Variants in GRIK1 observed in about 807,000 individuals in gnomAD.
GRIK1 encodes the protein glutamate receptor ionotropic, kainate 1.
A neutral mutation model predicts 105.7 loss-of-function variants in GRIK1; 69 were observed. That is an observed-to-expected ratio of 0.65 (90% CI 0.54 to 0.80). The LOEUF is 0.80. GRIK1 is among the 30% of genes least tolerant of loss of function. The pLI is 0.00. For missense variants in GRIK1, 1,109 were observed against 1,167.3 expected, an observed-to-expected ratio of 0.95 and a Z score of 0.73; for synonymous variants, 438 against 431.3, an observed-to-expected ratio of 1.02 and a Z score of -0.19.
At chr21:29,628,912 A>G (rs183310343) in intron 7 of GRIK1, among the ~76,000 whole-genome samples, 3 of 152,300 alleles carry the variant, frequency 2.0e-5, no homozygotes, top group Non-Finnish European at 4.4e-5. Context: ...TGGATTCCAC[A>G]TGGGTTGAAT....
chr21:29,900,625 C>T (rs1056812102), intron 1 of GRIK1, among the ~76,000 whole-genome samples: 6 of 152,098 alleles, frequency 3.9e-5, no homozygotes, highest in African/African-American at 1.4e-4. Flanking sequence ...CAGGAGCACC[C>T]AGTTTCATAA....
Position 29,871,526 on chromosome 21 carries a change from G to A in GRIK1, c.118+67857C>T, listed in dbSNP as rs553523474. 4.6e-5 allele frequency among the ~76,000 whole-genome samples: 7 copies of A among 152,160 alleles called. No homozygotes were observed. In the East Asian group the frequency reaches 7.7e-4, roughly 17 times the overall value. ...AAAATTTTCACTATGTAAGTGGACC[G>A]GGAACAGAAAGATCTGGTCTCTACC... On this transcript the variant is annotated intron_variant, in intron 1 of 17. Transcript: ENST00000327783.
chr21:29,755,097 A>G (rs1191874515), intron 1 of GRIK1, among the ~76,000 whole-genome samples: 1 of 152,262 alleles, frequency 6.6e-6, no homozygotes, highest in Non-Finnish European at 1.5e-5. Context: ...ATATTTGAAT[A>G]CACAAATTCT....
At chr21:29,734,692 C>T (rs1036470059) in intron 1 of GRIK1, among the ~76,000 whole-genome samples, 4 of 152,120 alleles carry the variant, frequency 2.6e-5, no homozygotes, top group African/African-American at 9.7e-5. Context: ...AGCCACTGAG[C>T]CCAGCCTCCT....
intron 1 of GRIK1, among the ~76,000 whole-genome samples, chr21:29,893,133 T>A (rs2069968327): frequency 6.6e-6 from 1 of 152,246 alleles, no homozygotes; most frequent in South Asian, 2.1e-4. Context: ...CTAACTGTTT[T>A]ACTTTTCAAA....
intron 1 of GRIK1, among the ~76,000 whole-genome samples, chr21:29,717,100 AG>A (rs1451693002): frequency 1.3e-5 from 2 of 152,250 alleles, no homozygotes; most frequent in Non-Finnish European, 2.9e-5. Flanking sequence ...TTGAGGCTGT[AG>A]GTGCACAGAT....
At chr21:29,881,178 G>C (rs974991995) in intron 1 of GRIK1, among the ~76,000 whole-genome samples, 2 of 152,218 alleles carry the variant, frequency 1.3e-5, no homozygotes, top group South Asian at 4.1e-4. Context: ...CCACTTGTAA[G>C]TTTTGCTAGC....
At chr21:29,930,828 C>A (rs1034357244) in intron 1 of GRIK1, among the ~76,000 whole-genome samples, 1 of 152,122 alleles carries the variant, frequency 6.6e-6, no homozygotes, top group Admixed American at 6.6e-5. Context: ...ATATTGTTGT[C>A]TTTAAGGACA....
intron 1 of GRIK1, among the ~76,000 whole-genome samples, chr21:29,724,582 G>C (rs720781): frequency 1.3e-5 from 2 of 152,172 alleles, no homozygotes; most frequent in Non-Finnish European, 2.9e-5. Flanking sequence ...TGGGAGAGAC[G>C]TTTTATGATA....
intron 1 of GRIK1, among the ~76,000 whole-genome samples, chr21:29,821,349 G>A (rs1447842032): frequency 6.6e-6 from 1 of 152,034 alleles, no homozygotes; most frequent in Non-Finnish European, 1.5e-5. Context: ...CTCAGTCTAT[G>A]GCACATATCA....
At chr21:29,604,754 A>G (rs1475942139) in intron 7 of GRIK1, among the ~76,000 whole-genome samples, 1 of 152,196 alleles carries the variant, frequency 6.6e-6, no homozygotes, top group Non-Finnish European at 1.5e-5. Context: ...CATGTCTACC[A>G]CTGCTTAATA....
At chr21:29,879,334 G>A (rs894722514) in intron 1 of GRIK1, among the ~76,000 whole-genome samples, 4 of 152,040 alleles carry the variant, frequency 2.6e-5, no homozygotes, top group African/African-American at 9.7e-5. Context: ...GCTGCCAACT[G>A]TGGTACCCAG....
chr21:29,681,461 A>C (rs145973091), intron 3 of GRIK1, among the ~76,000 whole-genome samples: 1 of 151,758 alleles, frequency 6.6e-6, no homozygotes, highest in Non-Finnish European at 1.5e-5. Context: ...TACCAGGCAC[A>C]CTCTCACCTG....
chr21:29,850,437 A>T (rs1175132074), intron 1 of GRIK1, among the ~76,000 whole-genome samples: 1 of 152,102 alleles, frequency 6.6e-6, no homozygotes, highest in African/African-American at 2.4e-5. Flanking sequence ...CTATCGCCCT[A>T]ATGTTCTAAC....
At position 29,689,605 on chromosome 21, in the gene GRIK1, A is replaced by T. The variant is rs2063546954; in HGVS notation, c.544+123T>A. The T allele has an allele frequency of 6.4e-6, 5 of 781,218 alleles. No individual in the cohort carries two copies. The East Asian group carries it at 9.9e-5, about 15-fold the overall frequency. 48.4% of individuals were successfully genotyped at this position (781,218 alleles called of 1,614,324 possible). A position where few individuals can be genotyped will look rare whatever the true frequency, so the allele number is the denominator to read the frequency against. On this transcript the variant is annotated intron_variant, in intron 3 of 17. Transcript: ENST00000327783. ...ATTATTAAATTACTTCAGAATATTCAGTTAGCTTTATATAAAAGAGCATTT... is the reference window on the plus strand; with the variant it reads ...ATTATTAAATTACTTCAGAATATTCTGTTAGCTTTATATAAAAGAGCATTT...
At chr21:29,858,763 AT>A (rs2068542943) in intron 1 of GRIK1, among the ~76,000 whole-genome samples, 1 of 151,644 alleles carries the variant, frequency 6.6e-6, no homozygotes, top group South Asian at 2.1e-4. Flanking sequence ...GCAAAATCTC[AT>A]TCTCCTTGAA....
chr21:29,694,375 C>T (rs1004628504), intron 1 of GRIK1, among the ~76,000 whole-genome samples: 1 of 151,998 alleles, frequency 6.6e-6, no homozygotes, highest in Admixed American at 6.6e-5. Context: ...CCACCCGCCT[C>T]GACCTCCCAA....
rs758090728 is a variant in GRIK1 at position 29,555,127 on chromosome 21, G to A, written c.2532C>T (p.Ala844=). ...NIGGIFIVLA[A]GLVLSVFVAI... ...CTACAAATACAGAAAGGACCAGTCC[G>A]GCAGCCAGAACAATGAAGATGCCTC... The change falls in exon 16 of 18, where the codon GCC becomes GCT. Residue 844 remains alanine, a synonymous_variant. Coordinates refer to ENST00000327783, the MANE Select transcript of GRIK1 (RefSeq NM_001330994.2). The A allele has an allele frequency of 5.6e-6, 9 of 1,613,134 alleles. No homozygotes were observed. The highest frequency in any genetic ancestry group is 2.2e-5 in the East Asian group (1 of 44,888).
At chr21:29,614,802 C>G (rs1367696903) in intron 7 of GRIK1, among the ~76,000 whole-genome samples, 2 of 151,488 alleles carry the variant, frequency 1.3e-5, no homozygotes, top group African/African-American at 4.9e-5. Context: ...AGCTACTACA[C>G]ATAAACTTTG....
Sources: gnomAD v4.1 joint callset for allele counts (sites outside exome capture counted in the v4.1 genomes callset) on GRCh38, gnomAD v4.1.1 for gene constraint, MANE v1.5 for transcripts, NCBI Gene and HGNC (gene_info 2026-07-23, HGNC 2026-07-21) for gene names.